SLC8A3: variants seen among roughly 807,000 people sequenced by gnomAD.
SLC8A3 encodes the protein sodium/calcium exchanger 3.
SLC8A3 carries 37 observed loss-of-function variants against 65.4 expected under a neutral mutation model. That is an observed-to-expected ratio of 0.57 (90% CI 0.44 to 0.74). The LOEUF is 0.74. SLC8A3 is among the 30% of genes least tolerant of loss of function. The pLI, the probability that SLC8A3 is intolerant of heterozygous loss-of-function variation, is 0.00. For synonymous variants in SLC8A3, 461 were observed against 444.5 expected, an observed-to-expected ratio of 1.04 and a Z score of -0.47; for missense variants, 1,112 against 1,172.1, an observed-to-expected ratio of 0.95 and a Z score of 0.75.
chr14:70,187,896 C>T (rs1346032120), intron 1 of SLC8A3, among the ~76,000 whole-genome samples: 3 of 152,248 alleles, frequency 2.0e-5, no homozygotes, highest in Admixed American at 6.5e-5. Flanking sequence ...GAGTGGATAA[C>T]GCGCTTCCCT....
chr14:70,058,012 A>G (rs1364668695), intron 3 of SLC8A3, among the ~76,000 whole-genome samples: 1 of 152,180 alleles, frequency 6.6e-6, no homozygotes, highest in Non-Finnish European at 1.5e-5. Context: ...TAGACTCCAG[A>G]GCAACTGTGT....
intron 2 of SLC8A3, among the ~76,000 whole-genome samples, chr14:70,116,307 G>A (rs953801978): frequency 3.4e-5 from 5 of 148,786 alleles, no homozygotes; most frequent in African/African-American, 1.3e-4. Context: ...ACTAAATGGC[G>A]AGCATTGAGA....
chr14:70,120,242 C>T (rs904945309), intron 2 of SLC8A3, among the ~76,000 whole-genome samples: 6 of 152,312 alleles, frequency 3.9e-5, no homozygotes, highest in Non-Finnish European at 8.8e-5. Context: ...GTTATTTCTG[C>T]AGCTAGCGTG....
At chr14:70,119,754 T>G (rs1893919543) in intron 2 of SLC8A3, among the ~76,000 whole-genome samples, 1 of 152,304 alleles carries the variant, frequency 6.6e-6, no homozygotes. Flanking sequence ...CATCTATACG[T>G]TAAAGAGGAC....
At chr14:70,122,681 CAACA>C (rs759496909) in intron 2 of SLC8A3, among the ~76,000 whole-genome samples, 28 of 152,040 alleles carry the variant, frequency 1.8e-4, no homozygotes, top group African/African-American at 4.6e-4. Context: ...CAAACAACAA[CAACA>C]AACAAACAAA....
At chr14:70,129,446 C>T (rs1332086227) in intron 2 of SLC8A3, among the ~76,000 whole-genome samples, 1 of 152,128 alleles carries the variant, frequency 6.6e-6, no homozygotes, top group Non-Finnish European at 1.5e-5. Context: ...ATCCTTGCAG[C>T]AATCCTATAG....
chr14:70,157,802 A>G (rs1184478899), intron 2 of SLC8A3, among the ~76,000 whole-genome samples: 2 of 152,226 alleles, frequency 1.3e-5, no homozygotes, highest in Admixed American at 6.5e-5. Context: ...TTCATAGTGA[A>G]GGCAAAAAGA....
chr14:70,167,089 T>C lies in SLC8A3; in HGVS notation c.1334A>G (p.Asp445Gly). Residue 445 changes from aspartate to glycine, a missense_variant, in exon 2 of 7, where the codon GAC becomes GGC. Coordinates refer to ENST00000356921, the MANE Select transcript of SLC8A3 (RefSeq NM_182932.3). ...TEDGSANAGA[D>G]YEFTEGTVVL... ...CACCGTGCCCTCTGTGAACTCATAG[T>C]CAGCCCCTGCATTGGCAGAACCATC... 1.2e-6 allele frequency: 2 copies of C among 1,614,132 alleles called. No individual in the cohort carries two copies. The highest frequency in any genetic ancestry group is 1.7e-6 in the Non-Finnish European group (2 of 1,180,034).
rs115950998 is a variant in SLC8A3, at chr14:70,055,277, C to T, written c.1889-3163G>A. 7.9e-3 allele frequency among the ~76,000 whole-genome samples: 1,198 copies of T among 152,250 alleles called. 14 individuals carry two copies. The highest frequency in any genetic ancestry group is 0.027 in the African/African-American group (1,132 of 41,544). On this transcript the variant is annotated intron_variant, in intron 3 of 6. Coordinates refer to ENST00000356921, the MANE Select transcript of SLC8A3 (RefSeq NM_182932.3). ...AAAATTCTAGCAATTTAAGTCTCAG[C>T]TGTGATGAGATGGAAGATCTCCAGG...
chr14:70,141,915 A>G (rs1895602953), intron 2 of SLC8A3, among the ~76,000 whole-genome samples: 1 of 152,166 alleles, frequency 6.6e-6, no homozygotes, highest in Non-Finnish European at 1.5e-5. Flanking sequence ...GTTTCTCTGA[A>G]GAGGACACCC....
chr14:70,083,794 A>C (rs1286925664), intron 2 of SLC8A3, among the ~76,000 whole-genome samples: 1 of 152,190 alleles, frequency 6.6e-6, no homozygotes, highest in Non-Finnish European at 1.5e-5. Flanking sequence ...GCTTAGGCTC[A>C]TGTCTTCAGA....
chr14:70,187,826 CGGT>C (rs1883455263), intron 1 of SLC8A3, among the ~76,000 whole-genome samples: 1 of 152,108 alleles, frequency 6.6e-6, no homozygotes, highest in African/African-American at 2.4e-5. Flanking sequence ...CGACCCGCGG[CGGT>C]GGAGTCCCGA....
At chr14:70,174,665 T>TGTG (rs1392309662) in intron 1 of SLC8A3, among the ~76,000 whole-genome samples, 1 of 61,014 alleles carries the variant, frequency 1.6e-5, no homozygotes, top group African/African-American at 5.1e-5. Flanking sequence ...TTTTTTTGTT[T>TGTG]TTTTTTTTTT....
At chr14:70,136,152 CA>C (rs993613200) in intron 2 of SLC8A3, among the ~76,000 whole-genome samples, 3 of 152,148 alleles carry the variant, frequency 2.0e-5, no homozygotes, top group Non-Finnish European at 2.9e-5. Flanking sequence ...CAGAGACACA[CA>C]AAGACAACGC....
At chr14:70,082,751 A>G (rs1042872022) in intron 2 of SLC8A3, among the ~76,000 whole-genome samples, 2 of 152,200 alleles carry the variant, frequency 1.3e-5, no homozygotes, top group Non-Finnish European at 2.9e-5. Context: ...GCCATCAAGC[A>G]TTCCTCTGAA....
chr14:70,158,387 G>A (rs560787110), intron 2 of SLC8A3, among the ~76,000 whole-genome samples: 12 of 152,304 alleles, frequency 7.9e-5, no homozygotes, highest in East Asian at 7.7e-4. Flanking sequence ...CTAAAAGGTC[G>A]ACAAATCAAG....
At chr14:70,152,459 T>C (rs1896328400) in intron 2 of SLC8A3, among the ~76,000 whole-genome samples, 1 of 151,136 alleles carries the variant, frequency 6.6e-6, no homozygotes, top group African/African-American at 2.4e-5. Context: ...TCTTATACCC[T>C]CTCCCCACAA....
intron 2 of SLC8A3, among the ~76,000 whole-genome samples, chr14:70,128,504 C>T (rs949356923): frequency 6.6e-6 from 1 of 152,182 alleles, no homozygotes; most frequent in African/African-American, 2.4e-5. Flanking sequence ...TTCCATACTA[C>T]CATGACAAAG....
intron 1 of SLC8A3, among the ~76,000 whole-genome samples, chr14:70,184,947 C>CCTTT (rs770065343): frequency 1.2e-3 from 184 of 148,860 alleles, no homozygotes; most frequent in Non-Finnish European, 2.2e-3. Context: ...GGGGGTTATT[C>CCTTT]CTTTCTTTTT....
Sources: gnomAD v4.1 joint callset for allele counts (sites outside exome capture counted in the v4.1 genomes callset) on GRCh38, gnomAD v4.1.1 for gene constraint, MANE v1.5 for transcripts, NCBI Gene and HGNC (gene_info 2026-07-23, HGNC 2026-07-21) for gene names.